The following LSM6 variants were observed in gnomAD, a reference collection of about 807,000 sequenced individuals.
LSM6 encodes U6 snRNA-associated Sm-like protein LSm6.
A neutral mutation model predicts 13.5 loss-of-function variants in LSM6; 2 were observed. The observed-to-expected ratio is 0.15, with a 90% confidence interval of 0.06 to 0.47. LSM6 has a LOEUF of 0.47. LSM6 is among the 20% of genes least tolerant of loss of function. LSM6 has a pLI of 0.97. For missense variants in LSM6, 58 were observed against 96.4 expected (o/e 0.60, Z 1.67); for synonymous variants, 43 against 34.9 (o/e 1.23, Z -0.82).
At chr4:146,179,262 G>A (rs1730179576) in intron 1 of LSM6, among the ~76,000 whole-genome samples, 1 of 152,204 alleles carries the variant, frequency 6.6e-6, no homozygotes, top group African/African-American at 2.4e-5. Context: ...TTCCTCTTAT[G>A]TGTTTATGGT....
chr4:146,176,072 C>G (rs963334498), intron 1 of LSM6: 1 of 152,314 alleles, frequency 6.6e-6, no homozygotes, highest in Non-Finnish European at 1.5e-5. Context: ...GGACCGCCCT[C>G]AGCGAGGCGC....
intron 2 of LSM6, 177 bp downstream of exon 2, chr4:146,183,192 A>G (rs1202794201): frequency 2.0e-6 from 1 of 500,238 alleles, no homozygotes; most frequent in Non-Finnish European, 3.7e-6. Context: ...GACAACTCTG[A>G]CAGTATAGCA....
intron 2 of LSM6, among the ~76,000 whole-genome samples, chr4:146,185,774 TC>T (rs1279379575): frequency 3.3e-5 from 5 of 152,208 alleles, no homozygotes; most frequent in Admixed American, 1.3e-4. Flanking sequence ...TCTCACTCTT[TC>T]GCCCAGGCTG....
At chr4:146,189,555 C>A in intron 3 of LSM6, 67 bp from the exon 4 acceptor site, 1 of 999,354 alleles carries the variant, frequency 1.0e-6, no homozygotes, top group East Asian at 2.5e-5. Context: ...GGCTTTTAAA[C>A]TTGCTACTAT....
intron 1 of LSM6, among the ~76,000 whole-genome samples, chr4:146,178,754 T>G (rs1375756030): frequency 1.3e-5 from 2 of 152,218 alleles, no homozygotes; most frequent in African/African-American, 4.8e-5. Flanking sequence ...TTTACAGCAC[T>G]TTGTCACGTT....
chr4:146,186,303 C>CT (rs547614764), intron 2 of LSM6, among the ~76,000 whole-genome samples: 52 of 152,120 alleles, frequency 3.4e-4, no homozygotes, highest in Admixed American at 7.2e-4. Flanking sequence ...TGAAAGGAAA[C>CT]TTTTTTGTTT....
At chr4:146,186,036 C>G (rs1730342025) in intron 2 of LSM6, among the ~76,000 whole-genome samples, 1 of 152,228 alleles carries the variant, frequency 6.6e-6, no homozygotes, top group African/African-American at 2.4e-5. Flanking sequence ...TTTGCCCAGC[C>G]TGGACATTTC....
chr4:146,180,862 A>G (rs1730217114), intron 1 of LSM6: 1 of 152,236 alleles, frequency 6.6e-6, no homozygotes, highest in Non-Finnish European at 1.5e-5. Context: ...TCAAAACAGC[A>G]TGTATTCAAA....
chr4:146,187,179 A>G, intron 2 of LSM6, 95 bp from the exon 3 acceptor site: 2 of 634,910 alleles, frequency 3.2e-6, no homozygotes, highest in Non-Finnish European at 2.8e-6. Flanking sequence ...TCTAAGAACT[A>G]ATGAATAAAG....
At position 146,182,949 on chromosome 4, in the gene LSM6, G is replaced by T; in HGVS notation, c.28G>T (p.Asp10Tyr). 1 of 1,613,090 alleles carries T rather than the reference G, an allele frequency of 6.2e-7. No individual in the cohort carries two copies. The highest frequency in any genetic ancestry group is 1.1e-5 in the South Asian group (1 of 91,032). The change falls in exon 2 of 4, where the codon GAC (aspartate) becomes TAC (tyrosine). Residue 10 changes from aspartate (D) to tyrosine (Y), a missense_variant. By Grantham distance (160) the Asp-to-Tyr change is radical (BLOSUM62 -3). Around this residue, in one of 3 missense-constraint regions of LSM6, gnomAD observed 28 missense variants for 32.6 expected, o/e 0.86. Coordinates refer to ENST00000296581, the MANE Select transcript of LSM6 (RefSeq NM_007080.3). MSLRKQTPS[D>Y]FLKQIIGRPV... The stretch of plus-strand genomic sequence containing the variant: ...GAGTCTTCGGAAGCAAACCCCTAGT[G>T]ACTTCTTAAAGCAAATCATCGGACG...
rs569574711 is a variant in LSM6, at chr4:146,190,994, A to C, written c.*1338A>C. On this transcript the variant is annotated 3_prime_UTR_variant, in exon 4 of 4. Transcript: ENST00000296581. Reference sequence around the variant, plus strand: ...GGTTTATTTTAAAGATCAGAGAGTAATTGGAAACAATTATTTTTTAATTAA... The same window carrying C: ...GGTTTATTTTAAAGATCAGAGAGTACTTGGAAACAATTATTTTTTAATTAA... 2.0e-5 allele frequency: 3 copies of C among 152,304 alleles called. No homozygotes were observed. In the East Asian group the frequency reaches 5.8e-4, roughly 29 times the overall value. 9.4% of individuals were successfully genotyped at this position (152,304 alleles called of 1,614,324 possible).
intron 2 of LSM6, among the ~76,000 whole-genome samples, chr4:146,186,123 G>A (rs924332649): frequency 6.6e-6 from 1 of 152,128 alleles, no homozygotes; most frequent in Non-Finnish European, 1.5e-5. Flanking sequence ...ATTTATAATT[G>A]CAGTTTGTAT....
intron 1 of LSM6, among the ~76,000 whole-genome samples, chr4:146,178,631 C>G (rs1322459847): frequency 1.3e-5 from 2 of 152,206 alleles, no homozygotes; most frequent in African/African-American, 4.8e-5. Context: ...TAAAAACTTA[C>G]AGGTAAACAT....
Position 146,191,450 on chromosome 4 carries a change from C to CT in LSM6, c.*1794_*1795insT, listed in dbSNP as rs1730468602. On this transcript the variant is annotated 3_prime_UTR_variant, in exon 4 of 4. Coordinates refer to ENST00000296581, the MANE Select transcript of LSM6 (RefSeq NM_007080.3). Reference sequence around the variant, plus strand: ...TAGCTCTACAGTGGAGTACTGTTTTCAACCATGGAACTACTTTTAATCAAG... The same window carrying CT: ...TAGCTCTACAGTGGAGTACTGTTTTCTAACCATGGAACTACTTTTAATCAAG... 1 of 152,216 alleles carries CT rather than the reference C, an allele frequency of 6.6e-6. No homozygotes were observed. The highest frequency in any genetic ancestry group is 1.5e-5 in the Non-Finnish European group (1 of 68,038). The allele number at this position is 152,216 out of a possible 1,614,324, so 9.4% of individuals were successfully genotyped here. A position where few individuals can be genotyped will look rare whatever the true frequency, so the allele number is the denominator to read the frequency against.
At chr4:146,181,033 A>C (rs1369024336) in intron 1 of LSM6, 3 of 152,254 alleles carry the variant, frequency 2.0e-5, no homozygotes, top group African/African-American at 7.2e-5. Context: ...CTGAATGAAA[A>C]GTGGTTGTCC....
chr4:146,187,667 T>C (rs1214920927), intron 3 of LSM6: 3 of 258,562 alleles, frequency 1.2e-5, no homozygotes, highest in Non-Finnish European at 7.6e-6. Flanking sequence ...GTGTAGTATA[T>C]CTCCCCAACA....
chr4:146,185,148 C>T (rs1202084040), intron 2 of LSM6, among the ~76,000 whole-genome samples: 1 of 152,134 alleles, frequency 6.6e-6, no homozygotes, highest in Admixed American at 6.5e-5. Flanking sequence ...GACCAAACAT[C>T]TCTTTAGAAT....
intron 1 of LSM6, among the ~76,000 whole-genome samples, chr4:146,177,400 A>G (rs1730135246): frequency 6.6e-6 from 1 of 152,212 alleles, no homozygotes; most frequent in Non-Finnish European, 1.5e-5. Context: ...GAAAAATTGG[A>G]AAGTGATCAT....
chr4:146,177,685 A>G (rs942378860), intron 1 of LSM6, among the ~76,000 whole-genome samples: 22 of 152,234 alleles, frequency 1.4e-4, no homozygotes, highest in African/African-American at 5.1e-4. Context: ...GAGATTGTCA[A>G]CTTCCATTGA....
Sources: allele counts gnomAD v4.1 joint callset (sites outside exome capture counted in the v4.1 genomes callset), GRCh38; gene constraint gnomAD v4.1.1; regional missense constraint gnomAD v4.1.1; transcripts MANE v1.5; gene names NCBI Gene and HGNC (gene_info 2026-07-23, HGNC 2026-07-21).